Variants in NLRP14 observed in about 807,000 individuals in gnomAD.
The protein encoded by NLRP14 is NACHT, LRR and PYD domains-containing protein 14.
In NLRP14, 105 loss-of-function variants were observed where a neutral mutation model predicts 94.7. The observed-to-expected ratio is 1.11, with a 90% CI of 0.95 to 1.30. The LOEUF is 1.30. Ranked by LOEUF, NLRP14 falls within the 50% of genes most tolerant of loss-of-function variation. The pLI, the probability that NLRP14 is intolerant of heterozygous loss-of-function variation, is 0.00. For synonymous variants in NLRP14, 508 were observed against 459.9 expected (o/e 1.10, Z -1.34); for missense variants, 1,362 against 1,254.1 (o/e 1.09, Z -1.30).
chr11:7,057,915 GA>G lies in NLRP14; in HGVS notation c.2462+69del, dbSNP rs1166580443. ...GTTCTGTGTAGCTTAATTGTGATCT[GA>G]TAGGGAAACTTCTTGGGTCTTGGCA... On this transcript the variant is annotated intron_variant, in intron 7 of 11. Transcript: ENST00000299481. The G allele has an allele frequency of 1.0e-5, 14 of 1,337,436 alleles. 1 individual carries two copies. In the African/African-American group the frequency reaches 2.0e-4, roughly 19 times the overall value. 82.8% of individuals were successfully genotyped at this position (1,337,436 alleles called of 1,614,324 possible). A position where few individuals can be genotyped will look rare whatever the true frequency, so the allele number is the denominator to read the frequency against.
intron 1 of NLRP14, among the ~76,000 whole-genome samples, chr11:7,036,350 G>A (rs993187426): frequency 3.3e-5 from 5 of 152,124 alleles, no homozygotes; most frequent in African/African-American, 1.2e-4. Context: ...CTTTGGGAAG[G>A]AGACTATAGT....
intron 8 of NLRP14, 104 bp downstream of exon 8, chr11:7,058,554 G>A (rs1370155072): frequency 1.2e-6 from 1 of 861,798 alleles, no homozygotes; most frequent in Non-Finnish European, 1.9e-6. Context: ...CTTTTTCCCT[G>A]TTACCCTTAA....
rs1167290724 is a variant in NLRP14, at chr11:7,057,790, G to A, written c.2405G>A (p.Gly802Glu). Residue 802 changes from glycine to glutamate, a missense_variant, in exon 7 of 12, where the codon GGA becomes GAA. Physicochemically the swap from Gly to Glu is moderately conservative, Grantham distance 98 (BLOSUM62 -2). Coordinates refer to ENST00000299481, the MANE Select transcript of NLRP14 (RefSeq NM_176822.4). ...NLSTNNLLDD[G>E]VQLLCEALRH... ...TCAACCAATAATCTGTTGGATGATG[G>A]AGTGCAGCTTTTGTGTGAGGCCTTA... is the stretch of plus-strand genomic sequence containing the variant. 6.2e-7 allele frequency: 1 copy of A among 1,612,456 alleles called. No individual in the cohort carries two copies. Among genetic ancestry groups the A allele is most frequent in the Non-Finnish European group, 8.5e-7 (1 of 1,178,618 alleles).
chr11:7,035,203 C>A (rs188885982), intron 1 of NLRP14, among the ~76,000 whole-genome samples: 1 of 152,146 alleles, frequency 6.6e-6, no homozygotes, highest in African/African-American at 2.4e-5. Flanking sequence ...CACCTGAAGT[C>A]CAAGTTACTT....
chr11:7,047,538 TGAG>T (rs1198555976), intron 5 of NLRP14, among the ~76,000 whole-genome samples: 1 of 152,048 alleles, frequency 6.6e-6, no homozygotes. Context: ...ACTTCTGGGC[TGAG>T]GAGATCCTCC....
intron 11 of NLRP14, 141 bp from the exon 12 acceptor site, chr11:7,071,032 C>T: frequency 1.2e-6 from 1 of 863,988 alleles, no homozygotes; most frequent in Non-Finnish European, 1.9e-6. Context: ...TTCGCTTCCC[C>T]ACTCCTCACC....
Position 7,051,242 on chromosome 11 carries a change from T to G in NLRP14, c.2291+1404T>G, listed in dbSNP as rs146387240. Among the ~76,000 whole-genome samples the G allele has an allele frequency of 3.9e-3, 591 of 152,350 alleles. 5 individuals are homozygous for G. Among genetic ancestry groups the G allele is most frequent in the African/African-American group, 0.014 (563 of 41,578 alleles). Reference sequence around the variant, plus strand: ...TCATACTCCATTATGTGGGACTGCATGTTCCCCCAGTGTGGATGGCCACTG... The same window carrying G: ...TCATACTCCATTATGTGGGACTGCAGGTTCCCCCAGTGTGGATGGCCACTG... On this transcript the variant is annotated intron_variant, in intron 6 of 11. Coordinates refer to ENST00000299481, the MANE Select transcript of NLRP14 (RefSeq NM_176822.4).
Position 7,043,974 on chromosome 11 carries a change from A to C in NLRP14, c.1948A>C (p.Thr650Pro). Residue 650 changes from threonine to proline, a missense_variant, in exon 4 of 12, where the codon ACT becomes CCT. Coordinates refer to ENST00000299481, the MANE Select transcript of NLRP14 (RefSeq NM_176822.4). ...GAAGATATTAAAAACAAGCCTCCCA[A>C]CTAACACTTGGTAAGTGTGTTAGGG... is the stretch of plus-strand genomic sequence containing the variant. ...EKKILKTSLP[T>P]NTWDGDRITH... 1 of 1,614,126 alleles carries C rather than the reference A, an allele frequency of 6.2e-7. No individual in the cohort carries two copies.
the NLRP14 span, among the ~76,000 whole-genome samples, chr11:7,080,075 G>C: frequency 2.6e-5 from 4 of 152,182 alleles, no homozygotes; most frequent in Admixed American, 2.6e-4. Flanking sequence ...TTTGAAAGCA[G>C]AGAACAAAGG....
rs766184783 is a variant in NLRP14, at chr11:7,049,684, A to G, written c.2137A>G (p.Thr713Ala). ...KLQKLLLKFI[T>A]FPDGCQDIST... ...TTTCTTCTGAAGGTTGAAATTTATC[A>G]CTTTCCCTGATGGTTGTCAGGATAT... Residue 713 changes from threonine (T) to alanine (A), a missense_variant, in exon 6 of 12, where the codon ACT (threonine) becomes GCT (alanine). Physicochemically the swap from Thr to Ala is moderately conservative, Grantham distance 58. Coordinates refer to ENST00000299481, the MANE Select transcript of NLRP14 (RefSeq NM_176822.4). 4 of 1,612,364 alleles carry G rather than the reference A, an allele frequency of 2.5e-6. No homozygotes were observed. In the African/African-American group the frequency reaches 4.0e-5, roughly 16 times the overall value.
chr11:7,031,103 T>G (rs1852087382), intron 1 of NLRP14, among the ~76,000 whole-genome samples: 1 of 152,154 alleles, frequency 6.6e-6, no homozygotes, highest in Non-Finnish European at 1.5e-5. Flanking sequence ...GGTGAGGCAT[T>G]AAGGGCCAGA....
chr11:7,057,204 T>G (rs984837649), intron 6 of NLRP14, among the ~76,000 whole-genome samples: 5 of 152,016 alleles, frequency 3.3e-5, no homozygotes, highest in Non-Finnish European at 5.9e-5. Context: ...GATTTACTTA[T>G]TGTTTTTCAC....
chr11:7,027,899 T>G (rs367602239), intron 1 of NLRP14, among the ~76,000 whole-genome samples: 5 of 152,300 alleles, frequency 3.3e-5, no homozygotes, highest in African/African-American at 1.2e-4. Context: ...CTTGGAGTTT[T>G]AGACAGCACG....
intron 10 of NLRP14, among the ~76,000 whole-genome samples, chr11:7,068,890 G>A (rs2119716972): frequency 1.3e-5 from 2 of 152,264 alleles, no homozygotes; most frequent in South Asian, 4.1e-4. Flanking sequence ...CTGGCCTCAA[G>A]CTACTCTGTT....
chr11:7,076,015 C>G (rs1429168498), downstream of NLRP14, among the ~76,000 whole-genome samples: 2 of 152,214 alleles, frequency 1.3e-5, no homozygotes, highest in African/African-American at 4.8e-5. Context: ...GTCAGTGTTT[C>G]ACTTACTGCA....
chr11:7,062,269 C>T, intron 9 of NLRP14, 64 bp from the exon 10 acceptor site: 1 of 1,410,856 alleles, frequency 7.1e-7, no homozygotes, highest in Non-Finnish European at 1.0e-6. Context: ...GGTATATCTC[C>T]TAGGAAGAAA....
intron 10 of NLRP14, among the ~76,000 whole-genome samples, chr11:7,065,353 G>C (rs374491601): frequency 2.7e-4 from 41 of 151,932 alleles, no homozygotes; most frequent in African/African-American, 9.9e-4. Flanking sequence ...TTTTTTCATT[G>C]TGTTTATACA....
chr11:7,021,492 G>A (rs1291456107), intron 1 of NLRP14, among the ~76,000 whole-genome samples: 1 of 152,148 alleles, frequency 6.6e-6, no homozygotes, highest in East Asian at 1.9e-4. Context: ...GCATAGCATA[G>A]CATTTTAAAA....
intron 1 of NLRP14, among the ~76,000 whole-genome samples, chr11:7,029,223 A>G (rs1215856922): frequency 6.6e-6 from 1 of 152,202 alleles, no homozygotes; most frequent in Non-Finnish European, 1.5e-5. Context: ...AGACAAGCGA[A>G]GTGACAAGTT....
Sources: gnomAD v4.1 joint callset for allele counts (sites outside exome capture counted in the v4.1 genomes callset) on GRCh38, gnomAD v4.1.1 for gene constraint, MANE v1.5 for transcripts, NCBI Gene and HGNC (gene_info 2026-07-23, HGNC 2026-07-21) for gene names.